The following KDM4C variants were observed in gnomAD, a reference collection of about 807,000 sequenced individuals.
KDM4C encodes the protein lysine demethylase 4C, also known as lysine-specific demethylase 4C.
Under a neutral mutation model 129.3 loss-of-function variants are expected in KDM4C, and 81 were observed. The ratio of observed to expected loss-of-function variants is 0.63; its 90% CI spans 0.52 to 0.75. The LOEUF is 0.75. KDM4C is among the 30% of genes least tolerant of loss of function. KDM4C has a pLI of 0.00. For missense variants in KDM4C, 1,457 were observed against 1,304.0 expected (o/e 1.12, Z -1.81); for synonymous variants, 573 against 456.1 (o/e 1.26, Z -3.26).
chr9:6,853,372 G>T (rs918349205), intron 5 of KDM4C, among the ~76,000 whole-genome samples: 1 of 152,028 alleles, frequency 6.6e-6, no homozygotes, highest in South Asian at 2.1e-4. Flanking sequence ...CACGCCTGTA[G>T]CCCCAGCTGA....
chr9:7,111,801 C>T (rs1014327145), intron 18 of KDM4C, among the ~76,000 whole-genome samples: 2 of 152,052 alleles, frequency 1.3e-5, no homozygotes, highest in South Asian at 4.2e-4. Context: ...AAAGTGAAAC[C>T]CCGTTTTTAT....
chr9:7,123,190 T>C (rs1839686121), intron 18 of KDM4C, among the ~76,000 whole-genome samples: 1 of 152,180 alleles, frequency 6.6e-6, no homozygotes, highest in South Asian at 2.1e-4. Flanking sequence ...AACCAGCCAA[T>C]CTGCATAAAT....
chr9:6,808,502 C>G (rs925710595), intron 3 of KDM4C, among the ~76,000 whole-genome samples: 1 of 143,794 alleles, frequency 7.0e-6, no homozygotes, highest in Admixed American at 7.0e-5. Context: ...GCAGCATGCT[C>G]GTTAAGAGTC....
intron 21 of KDM4C, among the ~76,000 whole-genome samples, chr9:7,172,024 C>G (rs1260005885): frequency 1.3e-5 from 2 of 152,122 alleles, no homozygotes; most frequent in Non-Finnish European, 2.9e-5. Flanking sequence ...CTGTTTCTCC[C>G]CTGGGTTGGT....
chr9:7,093,127 G>C (rs1282191932), intron 17 of KDM4C, among the ~76,000 whole-genome samples: 1 of 152,056 alleles, frequency 6.6e-6, no homozygotes, highest in Non-Finnish European at 1.5e-5. Context: ...AATGTAGATG[G>C]GGTGGTGTTA....
chr9:6,844,404 A>C (rs1837494267), intron 4 of KDM4C, among the ~76,000 whole-genome samples: 1 of 152,146 alleles, frequency 6.6e-6, no homozygotes, highest in African/African-American at 2.4e-5. Flanking sequence ...GGTCACAGTA[A>C]TTTTTTGTTT....
rs564582107 is a variant in KDM4C at position 6,737,068 on chromosome 9, A to G, written c.49+16071A>G. ...TCTGTCTCAAAAAAAAAAAAAAAAA[A>G]AAAAAAGTTTTTCAGTCCCACTGGA... On this transcript the variant is annotated intron_variant, in intron 1 of 17. Coordinates refer to the KDM4C transcript ENST00000536108. Among the ~76,000 whole-genome samples, 1,250 of 151,294 alleles carry G rather than the reference A, an allele frequency of 8.3e-3. 22 individuals carry two copies. Among genetic ancestry groups the G allele is most frequent in the African/African-American group, 0.029 (1,186 of 41,076 alleles).
intron 1 of KDM4C, among the ~76,000 whole-genome samples, chr9:6,749,407 C>T (rs1052304535): frequency 5.3e-5 from 8 of 152,246 alleles, no homozygotes; most frequent in African/African-American, 1.9e-4. Flanking sequence ...AATAGGACTA[C>T]ATGTATCTTT....
chr9:7,095,431 C>A (rs555957847), intron 17 of KDM4C, among the ~76,000 whole-genome samples: 4 of 152,050 alleles, frequency 2.6e-5, no homozygotes, highest in African/African-American at 4.8e-5. Context: ...AGGCCCAAGG[C>A]CAAAAATGAA....
chr9:6,919,256 TTTC>T (rs1820961461), intron 8 of KDM4C, among the ~76,000 whole-genome samples: 1 of 58,914 alleles, frequency 1.7e-5, no homozygotes, highest in Non-Finnish European at 3.4e-5. Flanking sequence ...CTTTTCTTTC[TTTC>T]TTTCTTTCTT....
intron 5 of KDM4C, among the ~76,000 whole-genome samples, chr9:6,858,875 A>G (rs866096235): frequency 1.3e-5 from 2 of 150,252 alleles, no homozygotes; most frequent in African/African-American, 4.9e-5. Context: ...TTCACACACT[A>G]CTTAATGTCA....
intron 1 of KDM4C, among the ~76,000 whole-genome samples, chr9:6,752,114 A>T (rs1818090178): frequency 6.6e-6 from 1 of 150,402 alleles, no homozygotes; most frequent in Non-Finnish European, 1.5e-5. Context: ...CGGGCGGATC[A>T]CGAGGTCAGG....
chr9:6,811,228 A>G (rs1171891492), intron 3 of KDM4C, among the ~76,000 whole-genome samples: 2 of 151,964 alleles, frequency 1.3e-5, no homozygotes, highest in Non-Finnish European at 2.9e-5. Context: ...ATCTCGGCTC[A>G]CTGCAACCTC....
chr9:7,153,692 G>C lies in KDM4C; in HGVS notation c.2782-11546G>C, dbSNP rs966911421. ...ATGCAAACTAGCGGTTACTTATCAG[G>C]GTTGTTAATGGCAACCAACAGAAAC... On this transcript the variant is annotated intron_variant, in intron 19 of 21. Coordinates refer to ENST00000381309, the MANE Select transcript of KDM4C (RefSeq NM_015061.6). Among the ~76,000 whole-genome samples the C allele has an allele frequency of 2.6e-5, 4 of 152,244 alleles. No individual in the cohort carries two copies. The South Asian group carries it at 6.2e-4, about 24-fold the overall frequency.
At chr9:7,057,727 G>T (rs928357147) in intron 17 of KDM4C, among the ~76,000 whole-genome samples, 38 of 152,268 alleles carry the variant, frequency 2.5e-4, no homozygotes, top group African/African-American at 9.1e-4. Context: ...TTGAATGGAG[G>T]CCTGTTAAAC....
chr9:6,725,139 T>TA (rs151293505), intron 1 of KDM4C, among the ~76,000 whole-genome samples: 2,361 of 152,232 alleles, frequency 0.016, 34 homozygotes, highest in Non-Finnish European at 0.024. Flanking sequence ...CTTTTTGTTT[T>TA]AAAAAATCTA....
At chr9:6,981,737 G>A (rs1816796020) in intron 9 of KDM4C, 2 of 177,800 alleles carry the variant, frequency 1.1e-5, no homozygotes, top group Non-Finnish European at 1.4e-5. Flanking sequence ...TGAATAGGGT[G>A]TGTGTGGTGT....
intron 12 of KDM4C, among the ~76,000 whole-genome samples, chr9:7,001,392 C>T (rs115982384): frequency 6.6e-6 from 1 of 152,166 alleles, no homozygotes; most frequent in African/African-American, 2.4e-5. Flanking sequence ...TTGATAATGC[C>T]TTCAAGTGAG....
chr9:7,163,672 G>T (rs1431382287), intron 19 of KDM4C, among the ~76,000 whole-genome samples: 1 of 152,136 alleles, frequency 6.6e-6, no homozygotes, highest in Non-Finnish European at 1.5e-5. Flanking sequence ...ATACCTTCCA[G>T]TGTTCTCGGT....
Sources: allele counts gnomAD v4.1 joint callset (sites outside exome capture counted in the v4.1 genomes callset), GRCh38; gene constraint gnomAD v4.1.1; transcripts MANE v1.5; gene names NCBI Gene and HGNC (gene_info 2026-07-23, HGNC 2026-07-21).